Variants in MTUS1 observed in about 807,000 individuals in gnomAD.
The protein encoded by MTUS1 is microtubule-associated tumor suppressor 1.
A neutral mutation model predicts 120.8 loss-of-function variants in MTUS1; 109 were observed. The ratio of observed to expected loss-of-function variants is 0.90; its 90% CI spans 0.77 to 1.06. The LOEUF (loss-of-function observed/expected upper bound fraction) is 1.06, where lower values mean the gene tolerates loss of function less well. MTUS1 is among the 50% of genes least tolerant of loss of function. MTUS1 has a pLI of 0.00. For missense variants in MTUS1, 2,210 were observed against 1,486.3 expected (o/e 1.49, Z -8.01); for synonymous variants, 737 against 550.5 (o/e 1.34, Z -4.74).
rs1821681840 is a variant in MTUS1 at position 17,713,227 on chromosome 8, T to C, written c.2610A>G (p.Thr870=). 6.3e-7 allele frequency: 1 copy of C among 1,599,062 alleles called. No homozygotes were observed. The highest frequency in any genetic ancestry group is 1.3e-5 in the African/African-American group (1 of 74,532). The change falls in exon 6 of 15, where the codon ACA becomes ACG. Residue 870 remains threonine (T), a synonymous_variant. Coordinates refer to ENST00000693296, the MANE Select transcript of MTUS1 (RefSeq NM_001363059.2). The part of the protein sequence containing the change: ...PKGPSRKNLF[T]ALNAVEKSRQ... Reference sequence around the variant, plus strand: ...GTGGTCACTCACCTGCATTAAGAGCTGTAAATAAATTTTTTCTCGAAGGAC... The same window carrying C: ...GTGGTCACTCACCTGCATTAAGAGCCGTAAATAAATTTTTTCTCGAAGGAC...
At chr8:17,713,152 T>A in intron 6 of MTUS1, 62 bp downstream of exon 6, 1 of 1,285,588 alleles carries the variant, frequency 7.8e-7, no homozygotes, top group South Asian at 1.2e-5. Flanking sequence ...CTGTAAATAC[T>A]TGTAGTAACA....
chr8:17,729,220 G>A (rs922214476), intron 3 of MTUS1, among the ~76,000 whole-genome samples: 10 of 152,084 alleles, frequency 6.6e-5, no homozygotes, highest in African/African-American at 7.2e-5. Flanking sequence ...AAAATCAGGG[G>A]AAACTTAAAA....
intron 3 of MTUS1, among the ~76,000 whole-genome samples, chr8:17,725,055 C>G (rs947954620): frequency 5.9e-5 from 9 of 152,096 alleles, no homozygotes; most frequent in Non-Finnish European, 8.8e-5. Flanking sequence ...CCCACCCAGC[C>G]ATATAGCCCT....
At chr8:17,767,910 G>C (rs1260730625) in intron 1 of MTUS1, among the ~76,000 whole-genome samples, 1 of 152,088 alleles carries the variant, frequency 6.6e-6, no homozygotes, top group South Asian at 2.1e-4. Flanking sequence ...TCCTAGTGAG[G>C]AGAGACTAGA....
intron 3 of MTUS1, among the ~76,000 whole-genome samples, chr8:17,728,957 T>C (rs187528803): frequency 9.2e-5 from 14 of 152,320 alleles, no homozygotes; most frequent in Non-Finnish European, 1.6e-4. Flanking sequence ...GAAAAGATTA[T>C]TGAGGTCCAT....
At chr8:17,676,128 C>A (rs982578856) in intron 7 of MTUS1, 3 of 628,654 alleles carry the variant, frequency 4.8e-6, no homozygotes, top group Non-Finnish European at 8.6e-6. Flanking sequence ...CCCACCACAT[C>A]CTGATCACAG....
At chr8:17,713,072 C>T (rs899898618) in intron 6 of MTUS1, 142 bp downstream of exon 6, 1 of 703,718 alleles carries the variant, frequency 1.4e-6, no homozygotes, top group African/African-American at 1.8e-5. Flanking sequence ...TGCTATGCGA[C>T]CCGTCATAAA....
intron 1 of MTUS1, among the ~76,000 whole-genome samples, chr8:17,769,598 C>T (rs1034802194): frequency 2.0e-5 from 3 of 151,966 alleles, no homozygotes; most frequent in Non-Finnish European, 4.4e-5. Context: ...CCACCCGCCT[C>T]GGCCTCCCAA....
At chr8:17,751,033 C>T (rs1472276877) in intron 2 of MTUS1, among the ~76,000 whole-genome samples, 1 of 152,206 alleles carries the variant, frequency 6.6e-6, no homozygotes, top group African/African-American at 2.4e-5. Flanking sequence ...AAATTAACAT[C>T]CGACCGGGCG....
intron 7 of MTUS1, among the ~76,000 whole-genome samples, chr8:17,682,512 C>G (rs538349987): frequency 1.5e-5 from 1 of 65,284 alleles, no homozygotes. Context: ...AGCAAGACTC[C>G]ATCCCAAAAA....
chr8:17,685,956 GAACA>G lies in MTUS1; in HGVS notation c.2624-1418_2624-1415del, dbSNP rs376714564. 4.4e-4 allele frequency among the ~76,000 whole-genome samples: 67 copies of G among 152,262 alleles called. 3 individuals are homozygous for G. Among genetic ancestry groups the G allele is most frequent in the African/African-American group, 1.5e-3 (64 of 41,576 alleles). On this transcript the variant is annotated intron_variant, in intron 6 of 14. Coordinates refer to ENST00000693296, the MANE Select transcript of MTUS1 (RefSeq NM_001363059.2). ...TCGTAATATTACAGCCCTGAAGGAAGAACAAATTATTAGTTACATACTAATGAAA... is the reference window on the plus strand; with the variant it reads ...TCGTAATATTACAGCCCTGAAGGAAGAATTATTAGTTACATACTAATGAAA...
chr8:17,691,574 C>T (rs186417180), intron 6 of MTUS1, among the ~76,000 whole-genome samples: 70 of 152,364 alleles, frequency 4.6e-4, no homozygotes, highest in Non-Finnish European at 8.5e-4. Flanking sequence ...AATCTGGATT[C>T]ACAGTAAGAT....
intron 1 of MTUS1, among the ~76,000 whole-genome samples, chr8:17,771,076 G>A (rs2049987426): frequency 6.6e-6 from 1 of 152,132 alleles, no homozygotes; most frequent in Non-Finnish European, 1.5e-5. Flanking sequence ...CATTAATCTG[G>A]CTACAATTGT....
chr8:17,699,028 C>A (rs1818510489), intron 6 of MTUS1, among the ~76,000 whole-genome samples: 1 of 152,144 alleles, frequency 6.6e-6, no homozygotes, highest in Non-Finnish European at 1.5e-5. Context: ...TTTTCCTCTA[C>A]CTCCCAAAAC....
At chr8:17,761,208 G>A (rs1253040626) in intron 1 of MTUS1, among the ~76,000 whole-genome samples, 1 of 152,112 alleles carries the variant, frequency 6.6e-6, no homozygotes, top group East Asian at 1.9e-4. Context: ...AAGCTTTGAG[G>A]TATAATTCCA....
At chr8:17,765,831 A>G (rs973238134) in intron 1 of MTUS1, among the ~76,000 whole-genome samples, 7 of 152,016 alleles carry the variant, frequency 4.6e-5, no homozygotes, top group African/African-American at 1.5e-4. Context: ...CCATTACTAC[A>G]TCTCTTCATA....
chr8:17,681,268 A>G (rs1352077629), intron 7 of MTUS1, among the ~76,000 whole-genome samples: 1 of 152,116 alleles, frequency 6.6e-6, no homozygotes, highest in Admixed American at 6.6e-5. Flanking sequence ...TGTGTACTGA[A>G]TCTATGTAAA....
chr8:17,649,003 G>A (rs188124949), intron 13 of MTUS1, among the ~76,000 whole-genome samples: 687 of 152,316 alleles, frequency 4.5e-3, no homozygotes, highest in Non-Finnish European at 7.4e-3. Flanking sequence ...CACTAACATC[G>A]TTCTCTGTTC....
intron 8 of MTUS1, among the ~76,000 whole-genome samples, chr8:17,663,511 T>G (rs1294467124): frequency 1.3e-5 from 2 of 152,218 alleles, no homozygotes; most frequent in Non-Finnish European, 2.9e-5. Flanking sequence ...CCAAAATTAC[T>G]TGGGTTCAAA....
Sources: gnomAD v4.1 joint callset for allele counts (sites outside exome capture counted in the v4.1 genomes callset) on GRCh38, gnomAD v4.1.1 for gene constraint, MANE v1.5 for transcripts, NCBI Gene and HGNC (gene_info 2026-07-23, HGNC 2026-07-21) for gene names.